The following CATSPER4 variants were observed in gnomAD, a reference collection of about 807,000 sequenced individuals.
CATSPER4 encodes cation channel sperm associated 4, also known as cation channel sperm-associated protein 4.
Under a neutral mutation model 54.4 loss-of-function variants are expected in CATSPER4, and 46 were observed. The observed-to-expected ratio is 0.84, with a 90% CI of 0.67 to 1.08. The LOEUF (loss-of-function observed/expected upper bound fraction) is 1.08, where lower values mean the gene tolerates loss of function less well. Among genes scored for constraint, CATSPER4 ranks in the 50% least tolerant of loss-of-function variants. The pLI is 0.00. For missense variants in CATSPER4, 574 were observed against 612.8 expected, an observed-to-expected ratio of 0.94 and a Z score of 0.67; for synonymous variants, 230 against 231.9, an observed-to-expected ratio of 0.99 and a Z score of 0.08.
chr1:26,195,506 CT>C (rs34814169), intron 3 of CATSPER4, among the ~76,000 whole-genome samples: 9 of 142,182 alleles, frequency 6.3e-5, no homozygotes, highest in East Asian at 4.1e-4. Flanking sequence ...TTTTCTTTTT[CT>C]TTTTTTTTTT....
At chr1:26,198,147 G>A in intron 5 of CATSPER4, 70 bp downstream of exon 5, 1 of 1,613,960 alleles carries the variant, frequency 6.2e-7, no homozygotes. Context: ...TGCAAATAGA[G>A]GGGTGTCTGG....
At chr1:26,191,534 GAT>G in intron 2 of CATSPER4, 104 bp downstream of exon 2, 1 of 1,355,042 alleles carries the variant, frequency 7.4e-7, no homozygotes, top group Non-Finnish European at 1.0e-6. Flanking sequence ...GGTTGGATTG[GAT>G]GCTCTTCAAG....
intron 2 of CATSPER4, among the ~76,000 whole-genome samples, chr1:26,191,681 G>C (rs1260011827): frequency 6.6e-6 from 1 of 152,172 alleles, no homozygotes; most frequent in African/African-American, 2.4e-5. Context: ...GTGAGCAGAG[G>C]GAGGCAAATG....
intron 3 of CATSPER4, among the ~76,000 whole-genome samples, chr1:26,196,144 C>CTTTTTTTTTTTTTTTTTTT (rs376569258): frequency 8.0e-6 from 1 of 125,274 alleles, no homozygotes; most frequent in Non-Finnish European, 1.6e-5. Context: ...CTTTCTTTTC[C>CTTTTTTTTTTTTTTTTTTT]TTTTTTTTTT....
At chr1:26,196,144 C>CTTTTT (rs376569258) in intron 3 of CATSPER4, among the ~76,000 whole-genome samples, 16 of 125,274 alleles carry the variant, frequency 1.3e-4, no homozygotes, top group African/African-American at 2.2e-4. Context: ...CTTTCTTTTC[C>CTTTTT]TTTTTTTTTT....
intron 2 of CATSPER4, among the ~76,000 whole-genome samples, chr1:26,192,472 C>T (rs1476666876): frequency 2.0e-5 from 3 of 151,870 alleles, no homozygotes; most frequent in Admixed American, 2.0e-4. Flanking sequence ...CGCCTATAAT[C>T]CCAGCCACTT....
chr1:26,191,993 A>T (rs2088874169), intron 2 of CATSPER4, among the ~76,000 whole-genome samples: 2 of 152,034 alleles, frequency 1.3e-5, no homozygotes, highest in Non-Finnish European at 2.9e-5. Flanking sequence ...ACAAAGAAAC[A>T]GAAAAAAAGA....
intron 3 of CATSPER4, among the ~76,000 whole-genome samples, chr1:26,195,569 C>T (rs907174681): frequency 1.8e-4 from 27 of 150,236 alleles, no homozygotes; most frequent in Admixed American, 1.5e-3. Flanking sequence ...GGCGCGATCT[C>T]GGCTCACTGC....
rs76076201 is a variant in CATSPER4 at position 26,191,162 on chromosome 1, C to A, written c.214-125C>A. The A allele has an allele frequency of 1.0e-3, 1,151 of 1,097,302 alleles. 11 individuals carry two copies. The African/African-American group carries it at 0.017, about 16-fold the overall frequency. The allele number at this position is 1,097,302 out of a possible 1,614,324, so 68.0% of individuals were successfully genotyped here. ...TACACTGATGTCTCCATTCCATGAT[C>A]CACTCTCAGATGATTTCCCCCCTCT... On this transcript the variant is annotated intron_variant, in intron 1 of 9. Transcript: ENST00000456354.
intron 9 of CATSPER4, 114 bp from the exon 10 acceptor site, chr1:26,202,375 G>A (rs2089017678): frequency 1.1e-6 from 1 of 895,246 alleles, no homozygotes; most frequent in Admixed American, 2.0e-5. Context: ...GACCTATGAA[G>A]CACTTCTCTG....
intron 1 of CATSPER4, 120 bp from the exon 2 acceptor site, chr1:26,191,167 C>G: frequency 8.5e-7 from 1 of 1,171,568 alleles, no homozygotes; most frequent in East Asian, 2.6e-5. Flanking sequence ...ATGATCCACT[C>G]TCAGATGATT....
chr1:26,192,505 G>A (rs1299995077), intron 2 of CATSPER4, among the ~76,000 whole-genome samples: 1 of 151,852 alleles, frequency 6.6e-6, no homozygotes, highest in Non-Finnish European at 1.5e-5. Context: ...CAGGATAATC[G>A]CTTGAAGCAG....
intron 8 of CATSPER4, 105 bp from the exon 9 acceptor site, chr1:26,201,249 A>G: frequency 7.8e-7 from 1 of 1,282,060 alleles, no homozygotes; most frequent in Non-Finnish European, 1.1e-6. Context: ...GGTCTCTGTC[A>G]GGGCTGCGTG....
intron 3 of CATSPER4, among the ~76,000 whole-genome samples, chr1:26,194,694 C>T (rs2088910494): frequency 6.6e-6 from 1 of 152,192 alleles, no homozygotes; most frequent in Non-Finnish European, 1.5e-5. Context: ...AGACTTGTAT[C>T]TCCTTGTGTA....
Position 26,190,650 on chromosome 1 carries a change from G to A in CATSPER4, c.23G>A (p.Trp8Ter). ...AACATGAGGGATAATGAAAAGGCCTGGTGGCAGCAATGGACCTCCCATACA... is the reference window on the plus strand; with the variant it reads ...AACATGAGGGATAATGAAAAGGCCTAGTGGCAGCAATGGACCTCCCATACA... MRDNEKA[W>*]WQQWTSHTGL... is the part of the protein sequence containing the mutation. The change falls in exon 1 of 10, where the codon TGG (tryptophan) becomes TAG (stop). Residue 8 changes from tryptophan (W) to a stop codon, truncating the protein, a stop_gained. Coordinates refer to ENST00000456354, the MANE Select transcript of CATSPER4 (RefSeq NM_198137.2). LOFTEE classifies it high-confidence loss of function. The A allele has an allele frequency of 6.2e-7, 1 of 1,606,124 alleles. No individual in the cohort carries two copies. Among genetic ancestry groups the A allele is most frequent in the Non-Finnish European group, 8.5e-7 (1 of 1,179,824 alleles).
At chr1:26,197,665 T>G in intron 3 of CATSPER4, 21 bp from the exon 4 acceptor site, 1 of 1,591,696 alleles carries the variant, frequency 6.3e-7, no homozygotes, top group Non-Finnish European at 8.6e-7. Context: ...CAGACCCCAC[T>G]GGGGCTGGCC....
Position 26,198,340 on chromosome 1 carries a change from C to T in CATSPER4, c.733C>T (p.Gln245Ter), listed in dbSNP as rs746557606. 2.5e-6 allele frequency: 4 copies of T among 1,614,076 alleles called. No homozygotes were observed. Among genetic ancestry groups the T allele is most frequent in the Non-Finnish European group, 3.4e-6 (4 of 1,180,050 alleles). The change falls in exon 6 of 10, where the codon CAG (glutamine) becomes TAG (stop). Residue 245 changes from glutamine to a stop codon, truncating the protein, a stop_gained. Coordinates refer to ENST00000456354, the MANE Select transcript of CATSPER4 (RefSeq NM_198137.2). LOFTEE classifies it high-confidence loss of function. ...TGGTGCATTCGTGCCCAAGCATTTC[C>T]AGAACATACAGGTTGCGCTGTACAC... ...LFGAFVPKHF[Q>*]NIQVALYTLF... is the part of the protein sequence containing the mutation.
Position 26,202,723 on chromosome 1 carries a change from C to T in CATSPER4, c.*181C>T, listed in dbSNP as rs371864812. 2.8e-5 allele frequency: 18 copies of T among 651,618 alleles called. No individual in the cohort carries two copies. Among genetic ancestry groups the T allele is most frequent in the East Asian group, 5.5e-5 (2 of 36,636 alleles). 40.4% of individuals were successfully genotyped at this position (651,618 alleles called of 1,614,324 possible). A position where few individuals can be genotyped will look rare whatever the true frequency, so the allele number is the denominator to read the frequency against. ...GTCTGGTGCCTGTGAGCCCCAGGTC[C>T]GGTGGAGCAAGGAGAGAGGAGGATG... On this transcript the variant is annotated 3_prime_UTR_variant, in exon 10 of 10. Transcript: ENST00000456354.
Position 26,199,889 on chromosome 1 carries a change from A to G in CATSPER4, c.818A>G (p.Glu273Gly), listed in dbSNP as rs2124529085. ...WVDIYSDFQT[E>G]KREYAMEIGG... ...CCCCTGCCTGCCATCTGCAGGACAG[A>G]GAAGAGGGAATATGCAATGGAGATT... The change falls in exon 7 of 10, where the codon GAG becomes GGG. Residue 273 changes from glutamate (E) to glycine (G), a missense_variant. Physicochemically the swap from Glu to Gly is moderately conservative, Grantham distance 98. Transcript: ENST00000456354. 2 of 1,614,120 alleles carry G rather than the reference A, an allele frequency of 1.2e-6. No homozygotes were observed. Among genetic ancestry groups the G allele is most frequent in the African/African-American group, 2.7e-5 (2 of 75,048 alleles).
Sources: allele counts gnomAD v4.1 joint callset (sites outside exome capture counted in the v4.1 genomes callset), GRCh38; gene constraint gnomAD v4.1.1; transcripts MANE v1.5; gene names NCBI Gene and HGNC (gene_info 2026-07-23, HGNC 2026-07-21).